The following ZNF638 variants were observed in gnomAD, a reference collection of about 807,000 sequenced individuals.
ZNF638 encodes CTCL tumor antigen se33-1.
Under a neutral mutation model 195.6 loss-of-function variants are expected in ZNF638, and 46 were observed. That is an observed-to-expected ratio of 0.24 (90% confidence interval 0.19 to 0.30). The LOEUF (loss-of-function observed/expected upper bound fraction) is 0.30. Ranked by LOEUF, ZNF638 falls within the 10% of genes least tolerant of loss-of-function variation. ZNF638 has a pLI of 1.00. For synonymous variants in ZNF638, 845 were observed against 772.0 expected (o/e 1.09, Z -1.57); for missense variants, 2,440 against 2,325.3 (o/e 1.05, Z -1.01).
Position 71,426,505 on chromosome 2 carries a change from G to A in ZNF638, c.4636G>A (p.Glu1546Lys). 1 of 1,600,238 alleles carries A rather than the reference G, an allele frequency of 6.2e-7. No homozygotes were observed. ...TTTGGATGAATTTGTTACTGTGGATGAGGTTATAGAAGAAGTGAATCCTTC... is the reference window on the plus strand; with the variant it reads ...TTTGGATGAATTTGTTACTGTGGATAAGGTTATAGAAGAAGTGAATCCTTC... ...FNLDEFVTVD[E>K]VIEEVNPSQA... Residue 1546 changes from glutamate (E) to lysine (K), a missense_variant, in exon 24 of 28, where the codon GAG becomes AAG. Glu to Lys is a moderately conservative substitution (Grantham distance 56, BLOSUM62 1). Around this residue, in one of 5 missense-constraint regions of ZNF638, gnomAD observed 1,883 missense variants for 1,739.1 expected, o/e 1.08. Coordinates refer to ENST00000264447, the MANE Select transcript of ZNF638 (RefSeq NM_014497.5).
intron 8 of ZNF638, among the ~76,000 whole-genome samples, chr2:71,378,105 T>C (rs1420480844): frequency 2.0e-5 from 3 of 152,188 alleles, no homozygotes; most frequent in Non-Finnish European, 4.4e-5. Context: ...ATGTTGGCGG[T>C]GAACAATGAA....
rs370981328 is a variant in ZNF638 at position 71,429,385 on chromosome 2, A to G, written c.5650+734A>G. Among the ~76,000 whole-genome samples, 65 of 152,156 alleles carry G rather than the reference A, an allele frequency of 4.3e-4. No homozygotes were observed. The East Asian group carries it at 5.2e-3, about 12-fold the overall frequency. On this transcript the variant is annotated intron_variant, in intron 25 of 27. Transcript: ENST00000264447. ...ATATTAGAGGTCTCCTTCCTTTACT[A>G]TTTCCTAACCAGATGTAAAATTAGC...
At chr2:71,414,721 C>T (rs1447035590) in intron 20 of ZNF638, among the ~76,000 whole-genome samples, 1 of 121,918 alleles carries the variant, frequency 8.2e-6, no homozygotes, top group African/African-American at 3.0e-5. Flanking sequence ...TTTGTGCCTT[C>T]ATTTCGTTAT....
intron 27 of ZNF638, among the ~76,000 whole-genome samples, chr2:71,434,062 T>A (rs1488779104): frequency 6.6e-6 from 1 of 152,172 alleles, no homozygotes; most frequent in Non-Finnish European, 1.5e-5. Flanking sequence ...ATCATGTCAC[T>A]TTTCCATTTA....
chr2:71,340,818 A>G (rs1206273172), intron 1 of ZNF638, among the ~76,000 whole-genome samples: 1 of 152,180 alleles, frequency 6.6e-6, no homozygotes, highest in African/African-American at 2.4e-5. Context: ...GTTACTTCCT[A>G]GCTGTGTTTT....
intron 2 of ZNF638, among the ~76,000 whole-genome samples, chr2:71,350,753 T>C (rs920040206): frequency 5.3e-5 from 8 of 152,342 alleles, no homozygotes; most frequent in East Asian, 1.9e-4. Flanking sequence ...TTCCTGACTT[T>C]ATGTAGACTA....
chr2:71,409,774 T>C (rs561943612), intron 20 of ZNF638, among the ~76,000 whole-genome samples: 15 of 152,306 alleles, frequency 9.8e-5, no homozygotes, highest in African/African-American at 3.1e-4. Context: ...GTGACTCTTT[T>C]CTAAATTTAG....
At position 71,376,524 on chromosome 2, in the gene ZNF638, A is replaced by G. The variant is rs80051464; in HGVS notation, c.2266-3698A>G. Among the ~76,000 whole-genome samples, 10 of 152,330 alleles carry G rather than the reference A, an allele frequency of 6.6e-5. No homozygotes were observed. In the East Asian group the frequency reaches 1.9e-3, roughly 29 times the overall value. ...CAAAAATAAGCTGAAAGAACAAACT[A>G]GGAAGAAGAAGAGCTGTGCTATAGC... On this transcript the variant is annotated intron_variant, in intron 8 of 27. Transcript: ENST00000264447.
intron 19 of ZNF638, chr2:71,407,893 A>C (rs2080137421): frequency 2.6e-6 from 1 of 384,800 alleles, no homozygotes; most frequent in Non-Finnish European, 4.6e-6. Flanking sequence ...TGTTTTACGC[A>C]TGTAACACAT....
chr2:71,410,925 G>A (rs1016895025), intron 20 of ZNF638, among the ~76,000 whole-genome samples: 2 of 150,524 alleles, frequency 1.3e-5, no homozygotes, highest in Non-Finnish European at 2.9e-5. Context: ...TCTTGGTTTG[G>A]GACTCATTTC....
At chr2:71,404,031 C>T in intron 17 of ZNF638, 33 bp downstream of exon 17, 1 of 1,578,322 alleles carries the variant, frequency 6.3e-7, no homozygotes, top group Non-Finnish European at 8.6e-7. Context: ...CTAGCTCTTA[C>T]TAAGTTTTTA....
chr2:71,420,081 C>G (rs192403041), intron 21 of ZNF638, among the ~76,000 whole-genome samples: 1 of 140,810 alleles, frequency 7.1e-6, no homozygotes, highest in East Asian at 2.1e-4. Context: ...TGAGAAAATA[C>G]TATTTGTTGT....
intron 3 of ZNF638, among the ~76,000 whole-genome samples, chr2:71,361,015 T>C (rs1208272771): frequency 6.6e-6 from 1 of 152,088 alleles, no homozygotes; most frequent in Non-Finnish European, 1.5e-5. Context: ...TCAACAATAT[T>C]ATTTATTGCT....
chr2:71,417,748 A>G (rs1357745140), intron 20 of ZNF638, among the ~76,000 whole-genome samples: 1 of 151,720 alleles, frequency 6.6e-6, no homozygotes, highest in East Asian at 1.9e-4. Context: ...AAAAACCATC[A>G]TCTTTAGTTT....
chr2:71,392,508 C>T (rs2079802935), intron 10 of ZNF638, among the ~76,000 whole-genome samples: 1 of 152,178 alleles, frequency 6.6e-6, no homozygotes, highest in Admixed American at 6.5e-5. Context: ...TAAGTCCACT[C>T]TCGAGCCTAC....
At chr2:71,377,181 C>G (rs1270048687) in intron 8 of ZNF638, among the ~76,000 whole-genome samples, 1 of 151,962 alleles carries the variant, frequency 6.6e-6, no homozygotes, top group Non-Finnish European at 1.5e-5. Flanking sequence ...GGGAGGATCG[C>G]TTGAGCCTGG....
chr2:71,429,383 C>T (rs566338683), intron 25 of ZNF638, among the ~76,000 whole-genome samples: 86 of 152,300 alleles, frequency 5.6e-4, no homozygotes, highest in African/African-American at 2.0e-3. Flanking sequence ...CCTTCCTTTA[C>T]TATTTCCTAA....
rs1326585976 is a variant in ZNF638, at chr2:71,407,999, G to GT, written c.3136-120dup. ...TGTGAACATGGGTGTACAAATACAT[G>GT]TTTAAGTATCGGCTTTCATTCCTTT... On this transcript the variant is annotated intron_variant, in intron 19 of 27. Transcript: ENST00000264447. The GT allele has an allele frequency of 4.6e-6, 4 of 864,662 alleles. No individual in the cohort carries two copies. In the East Asian group the frequency reaches 8.5e-5, roughly 18 times the overall value. The allele number at this position is 864,662 out of a possible 1,614,324, so 53.6% of individuals were successfully genotyped here. A position where few individuals can be genotyped will look rare whatever the true frequency, so the allele number is the denominator to read the frequency against.
chr2:71,397,521 G>C (rs1364215603), intron 11 of ZNF638, among the ~76,000 whole-genome samples: 2 of 152,134 alleles, frequency 1.3e-5, no homozygotes, highest in Non-Finnish European at 2.9e-5. Flanking sequence ...TTAAAAGTAT[G>C]ATTGTATTCT....
Sources: allele counts gnomAD v4.1 joint callset (sites outside exome capture counted in the v4.1 genomes callset), GRCh38; gene constraint gnomAD v4.1.1; regional missense constraint gnomAD v4.1.1; transcripts MANE v1.5; gene names NCBI Gene and HGNC (gene_info 2026-07-23, HGNC 2026-07-21).